CAP1: variants seen among roughly 807,000 people sequenced by gnomAD.
CAP1 encodes the protein adenylyl cyclase-associated protein 1.
CAP1 carries 11 observed loss-of-function variants against 58.2 expected under a neutral mutation model. That is an observed-to-expected ratio of 0.19 (90% CI 0.12 to 0.31). CAP1 has a LOEUF of 0.31. CAP1 is among the 10% of genes least tolerant of loss of function. The probability of loss-of-function intolerance (pLI) is 1.00; values close to 1 mark genes in which losing one functional copy is unlikely to be tolerated. For synonymous variants in CAP1, 183 were observed against 213.8 expected (o/e 0.86, Z 1.26); for missense variants, 423 against 587.5 (o/e 0.72, Z 2.89).
intron 1 of CAP1, among the ~76,000 whole-genome samples, chr1:40,041,809 G>T (rs375101259): frequency 2.0e-5 from 3 of 152,198 alleles, no homozygotes; most frequent in Non-Finnish European, 2.9e-5. Flanking sequence ...AGAACAGGGT[G>T]CTCTGAAAGT....
chr1:40,071,378 G>GA, intron 12 of CAP1, 72 bp from the exon 13 acceptor site: 2 of 1,081,222 alleles, frequency 1.8e-6, no homozygotes, highest in Admixed American at 3.8e-5. Flanking sequence ...AGCATTGGGA[G>GA]AAATGTGTGA....
At chr1:40,070,777 GC>G in intron 11 of CAP1, 58 bp from the exon 12 acceptor site, 1 of 1,490,276 alleles carries the variant, frequency 6.7e-7, no homozygotes, top group Non-Finnish European at 9.1e-7. Context: ...ACCTTTTCCT[GC>G]GACTTACTGT....
At chr1:40,062,621 C>T (rs558602125) in intron 4 of CAP1, among the ~76,000 whole-genome samples, 10 of 151,966 alleles carry the variant, frequency 6.6e-5, no homozygotes, top group African/African-American at 1.9e-4. Flanking sequence ...TAAAAATAGC[C>T]AGGCAAGGTG....
chr1:40,049,214 T>A (rs536731849), intron 1 of CAP1, among the ~76,000 whole-genome samples: 100 of 115,802 alleles, frequency 8.6e-4, no homozygotes, highest in Non-Finnish European at 1.4e-3. Context: ...TGAGACAGAG[T>A]GTCTCTCTGT....
At chr1:40,053,977 G>A (rs1646496317) in intron 1 of CAP1, among the ~76,000 whole-genome samples, 1 of 152,238 alleles carries the variant, frequency 6.6e-6, no homozygotes. Context: ...CTCTATATCA[G>A]TGTGATTCGT....
intron 1 of CAP1, among the ~76,000 whole-genome samples, chr1:40,051,579 G>GTT (rs941352010): frequency 6.6e-6 from 1 of 151,948 alleles, no homozygotes; most frequent in Non-Finnish European, 1.5e-5. Context: ...TTTTTGTTTT[G>GTT]TTTTTTTGTT....
chr1:40,042,072 T>C (rs1645860358), intron 1 of CAP1, among the ~76,000 whole-genome samples: 1 of 152,210 alleles, frequency 6.6e-6, no homozygotes, highest in Non-Finnish European at 1.5e-5. Flanking sequence ...AGATGGGGTT[T>C]CGCCGTGAAG....
At chr1:40,046,691 G>A (rs1375675364) in intron 1 of CAP1, among the ~76,000 whole-genome samples, 1 of 152,094 alleles carries the variant, frequency 6.6e-6, no homozygotes, top group Non-Finnish European at 1.5e-5. Context: ...TATTACTCCT[G>A]GGCTACAAAC....
At chr1:40,043,736 G>A (rs969588224) in intron 1 of CAP1, among the ~76,000 whole-genome samples, 1 of 152,052 alleles carries the variant, frequency 6.6e-6, no homozygotes, top group Admixed American at 6.6e-5. Context: ...AATTAGCTGG[G>A]CGTGGTTGTG....
chr1:40,042,584 T>C (rs1645888431), intron 1 of CAP1, among the ~76,000 whole-genome samples: 1 of 152,208 alleles, frequency 6.6e-6, no homozygotes. Flanking sequence ...GTCAGTCATA[T>C]GTGGAGGACA....
At chr1:40,067,767 C>G in intron 8 of CAP1, 50 bp downstream of exon 8, 1 of 1,341,958 alleles carries the variant, frequency 7.5e-7, no homozygotes, top group Non-Finnish European at 1.0e-6. Context: ...TTGTGTGGGC[C>G]AGACCCCACC....
chr1:40,069,948 C>T (rs1285844449), intron 9 of CAP1, 74 bp downstream of exon 9: 14 of 1,455,282 alleles, frequency 9.6e-6, no homozygotes, highest in African/African-American at 4.3e-5. Flanking sequence ...TTCACTTTGT[C>T]GCCCAGGCTG....
Position 40,068,271 on chromosome 1 carries a change from T to C in CAP1, c.808+554T>C, listed in dbSNP as rs146122891. Among the ~76,000 whole-genome samples, 408 of 152,268 alleles carry C rather than the reference T, an allele frequency of 2.7e-3. 1 individual carries two copies. Among genetic ancestry groups the C allele is most frequent in the Non-Finnish European group, 4.4e-3 (301 of 68,018 alleles). On this transcript the variant is annotated intron_variant, in intron 8 of 12. Transcript: ENST00000372805. ...ACATGTCCTCTTGATGAAATGTTTT[T>C]TATTTTTTTATTTTTTTTGAGACGG...
At chr1:40,064,398 G>T in intron 5 of CAP1, 28 bp downstream of exon 5, 1 of 1,613,994 alleles carries the variant, frequency 6.2e-7, no homozygotes, top group African/African-American at 1.3e-5. Flanking sequence ...CAGGGCTGGG[G>T]GTGGGTATAG....
At chr1:40,060,742 C>T (rs1646815216) in intron 3 of CAP1, among the ~76,000 whole-genome samples, 1 of 147,754 alleles carries the variant, frequency 6.8e-6, no homozygotes, top group South Asian at 2.2e-4. Context: ...CCTGCTAGCT[C>T]ACCGAATTAT....
chr1:40,061,682 A>T, intron 3 of CAP1, 53 bp from the exon 4 acceptor site: 1 of 1,457,890 alleles, frequency 6.9e-7, no homozygotes, highest in Non-Finnish European at 9.6e-7. Context: ...TATTCTTATC[A>T]AGACTTCTCT....
chr1:40,045,503 ATCT>A lies in CAP1; in HGVS notation c.-11+4706_-11+4708del, dbSNP rs562392746. On this transcript the variant is annotated intron_variant, in intron 1 of 12. Transcript: ENST00000372805. Reference sequence around the variant, plus strand: ...AACCTCCAACTTTTGGGCTCAAGTAATCTTCTCGCTTCAGCCTCCTGAGTAGCT... The same window carrying A: ...AACCTCCAACTTTTGGGCTCAAGTAATCTCGCTTCAGCCTCCTGAGTAGCT... Among the ~76,000 whole-genome samples the A allele has an allele frequency of 1.2e-3, 186 of 152,254 alleles. 1 individual carries two copies. The highest frequency in any genetic ancestry group is 1.0e-3 in the South Asian group (5 of 4,820).
At chr1:40,042,993 C>T (rs987776437) in intron 1 of CAP1, among the ~76,000 whole-genome samples, 1 of 152,030 alleles carries the variant, frequency 6.6e-6, no homozygotes, top group Non-Finnish European at 1.5e-5. Flanking sequence ...GGAAAAAATG[C>T]ATTTTGAATG....
intron 1 of CAP1, among the ~76,000 whole-genome samples, chr1:40,048,253 G>C (rs1010218559): frequency 2.0e-5 from 3 of 152,068 alleles, no homozygotes; most frequent in Non-Finnish European, 4.4e-5. Flanking sequence ...ATGTTGGCCA[G>C]GCTGGTCTCG....
Sources: gnomAD v4.1 joint callset for allele counts (sites outside exome capture counted in the v4.1 genomes callset) on GRCh38, gnomAD v4.1.1 for gene constraint, MANE v1.5 for transcripts, NCBI Gene and HGNC (gene_info 2026-07-23, HGNC 2026-07-21) for gene names.